Variants in TBC1D1 observed in about 807,000 individuals in gnomAD.
TBC1D1 encodes the protein TBC1 (tre-2/USP6, BUB2, cdc16) domain family, member 1.
A neutral mutation model predicts 125.6 loss-of-function variants in TBC1D1; 89 were observed. The observed-to-expected ratio is 0.71, with a 90% CI of 0.60 to 0.85. The LOEUF is 0.85. Ranked by LOEUF, TBC1D1 falls within the 40% of genes least tolerant of loss-of-function variation. The pLI is 0.00. For synonymous variants in TBC1D1, 565 were observed against 564.1 expected, an observed-to-expected ratio of 1.00 and a Z score of -0.02; for missense variants, 1,377 against 1,469.2, an observed-to-expected ratio of 0.94 and a Z score of 1.03.
intron 2 of TBC1D1, among the ~76,000 whole-genome samples, chr4:37,916,806 T>C (rs1719829547): frequency 6.6e-6 from 1 of 152,210 alleles, no homozygotes. Context: ...AGTCTCACTC[T>C]GTTGCCCAGG....
intron 2 of TBC1D1, among the ~76,000 whole-genome samples, chr4:37,989,104 C>T (rs1386576967): frequency 6.6e-6 from 1 of 152,220 alleles, no homozygotes; most frequent in African/African-American, 2.4e-5. Context: ...ATCCTCTTCA[C>T]TTTCCAGATC....
At chr4:37,931,962 T>A (rs1313868878) in intron 2 of TBC1D1, among the ~76,000 whole-genome samples, 2 of 152,038 alleles carry the variant, frequency 1.3e-5, no homozygotes, top group Non-Finnish European at 2.9e-5. Flanking sequence ...CTAAAACCCT[T>A]CTATTCTGTA....
chr4:37,896,889 T>TA, intron 1 of TBC1D1, among the ~76,000 whole-genome samples: 1 of 152,168 alleles, frequency 6.6e-6, no homozygotes, highest in East Asian at 1.9e-4. Context: ...ATTAACAAGA[T>TA]TATTGAAACT....
At chr4:38,032,306 G>C (rs554845237) in intron 7 of TBC1D1, among the ~76,000 whole-genome samples, 1 of 151,772 alleles carries the variant, frequency 6.6e-6, no homozygotes. Context: ...GGGATAGAGC[G>C]AGATGCTGTC....
chr4:37,953,853 A>G (rs1443500801), intron 2 of TBC1D1, among the ~76,000 whole-genome samples: 1 of 152,222 alleles, frequency 6.6e-6, no homozygotes, highest in Non-Finnish European at 1.5e-5. Context: ...TGCCTAATTT[A>G]TAGTGGCTTG....
intron 12 of TBC1D1, among the ~76,000 whole-genome samples, chr4:38,074,665 TAAC>T (rs1755260710): frequency 6.6e-6 from 1 of 152,188 alleles, no homozygotes; most frequent in African/African-American, 2.4e-5. Flanking sequence ...TGGTCCCATG[TAAC>T]AACTCTTGAT....
chr4:38,080,312 C>T (rs1040778123), intron 12 of TBC1D1, among the ~76,000 whole-genome samples: 1 of 152,142 alleles, frequency 6.6e-6, no homozygotes, highest in Admixed American at 6.5e-5. Context: ...AAAAAATCCA[C>T]GTGGATGAGA....
intron 2 of TBC1D1, among the ~76,000 whole-genome samples, chr4:37,958,511 G>A (rs1022681308): frequency 5.9e-5 from 9 of 151,824 alleles, no homozygotes; most frequent in African/African-American, 1.9e-4. Flanking sequence ...TAAGCATTCC[G>A]TCTCTCCTAG....
intron 15 of TBC1D1, among the ~76,000 whole-genome samples, chr4:38,109,778 G>T (rs1386741179): frequency 2.0e-5 from 3 of 152,184 alleles, no homozygotes; most frequent in Non-Finnish European, 2.9e-5. Context: ...CTGATACTGG[G>T]CAACTGATAA....
At chr4:38,117,437 T>C (rs1763159154) in intron 16 of TBC1D1, among the ~76,000 whole-genome samples, 1 of 152,196 alleles carries the variant, frequency 6.6e-6, no homozygotes, top group African/African-American at 2.4e-5. Flanking sequence ...TCCACTTTAG[T>C]TGGAAAAAGT....
intron 16 of TBC1D1, 96 bp from the exon 19 acceptor site, chr4:38,117,937 T>A (rs1437936634): frequency 6.3e-6 from 7 of 1,108,462 alleles, no homozygotes; most frequent in Middle Eastern, 2.1e-4. Flanking sequence ...AAAGTTCTAG[T>A]AAGTCTTCTC....
intron 6 of TBC1D1, among the ~76,000 whole-genome samples, chr4:38,025,221 A>AG (rs1195002073): frequency 6.6e-6 from 1 of 152,214 alleles, no homozygotes; most frequent in African/African-American, 2.4e-5. Context: ...CAGAGGAGCC[A>AG]GGAGGGGTTG....
chr4:37,962,930 A>T (rs1274338452), intron 2 of TBC1D1, among the ~76,000 whole-genome samples: 1 of 152,242 alleles, frequency 6.6e-6, no homozygotes, highest in Non-Finnish European at 1.5e-5. Context: ...GAAATAGTAT[A>T]CAGCTTCTCT....
intron 13 of TBC1D1, among the ~76,000 whole-genome samples, chr4:38,095,695 A>G (rs1222884497): frequency 6.6e-6 from 1 of 152,214 alleles, no homozygotes; most frequent in Non-Finnish European, 1.5e-5. Flanking sequence ...AGTAGAGCCA[A>G]CAGAGTATGT....
At chr4:37,894,525 A>AT (rs1714126295) in intron 1 of TBC1D1, among the ~76,000 whole-genome samples, 1 of 152,270 alleles carries the variant, frequency 6.6e-6, no homozygotes, top group African/African-American at 2.4e-5. Context: ...AGCAACAGCT[A>AT]TTTTTCTCTT....
intron 12 of TBC1D1, among the ~76,000 whole-genome samples, chr4:38,081,317 G>A (rs947578874): frequency 6.6e-6 from 1 of 152,094 alleles, no homozygotes; most frequent in Non-Finnish European, 1.5e-5. Context: ...AGCCGTCTCC[G>A]AGGGCATGAC....
Position 38,049,654 on chromosome 4 carries a change from T to C in TBC1D1, c.1666T>C (p.Ser556Pro). The change falls in exon 11 of 20, where the codon TCT (serine) becomes CCT (proline). Residue 556 changes from serine (S) to proline (P), a missense_variant. Transcript: ENST00000261439. ...GTGTGAAAAGGAGGCCTTGCCCATC[T>C]CTGAGAGCTCCTTTAAGCTCCTCGG... 2 of 1,613,290 alleles carry C rather than the reference T, an allele frequency of 1.2e-6. No individual in the cohort carries two copies. Among genetic ancestry groups the C allele is most frequent in the Non-Finnish European group, 1.7e-6 (2 of 1,179,328 alleles).
intron 7 of TBC1D1, among the ~76,000 whole-genome samples, chr4:38,032,903 G>T (rs79074330): frequency 0.024 from 3,642 of 151,862 alleles, 62 homozygotes; most frequent in Non-Finnish European, 0.037. Context: ...TGGTGAAGTT[G>T]CATGGGAGAT....
At chr4:38,066,916 C>T (rs975134498) in intron 12 of TBC1D1, among the ~76,000 whole-genome samples, 22 of 151,982 alleles carry the variant, frequency 1.4e-4, no homozygotes, top group Non-Finnish European at 2.1e-4. Flanking sequence ...CTCGCTCTGT[C>T]GCCGGGCTGG....
Sources: allele counts gnomAD v4.1 joint callset (sites outside exome capture counted in the v4.1 genomes callset), GRCh38; gene constraint gnomAD v4.1.1; transcripts MANE v1.5; gene names NCBI Gene and HGNC (gene_info 2026-07-23, HGNC 2026-07-21).